The following PDE4C variants were observed in gnomAD, a reference collection of about 807,000 sequenced individuals.
PDE4C encodes the protein phosphodiesterase 4C, also known as 3',5'-cyclic-AMP phosphodiesterase 4C.
PDE4C carries 50 observed loss-of-function variants against 63.9 expected under a neutral mutation model. The observed-to-expected ratio is 0.78, with a 90% confidence interval of 0.62 to 0.99. PDE4C has a LOEUF of 0.99. PDE4C is among the 50% of genes least tolerant of loss of function. PDE4C has a pLI of 0.00. For synonymous variants in PDE4C, 377 were observed against 385.1 expected (o/e 0.98, Z 0.25); for missense variants, 777 against 899.1 (o/e 0.86, Z 1.74).
chr19:18,222,332 A>G lies in PDE4C; in HGVS notation c.147-9T>C. The G allele has an allele frequency of 3.7e-6, 6 of 1,604,878 alleles. No homozygotes were observed. Among genetic ancestry groups the G allele is most frequent in the Non-Finnish European group, 5.1e-6 (6 of 1,175,032 alleles). On this transcript the variant is annotated splice_polypyrimidine_tract_variant and intron_variant, in intron 1 of 14. Coordinates refer to ENST00000262805, the Ensembl canonical transcript of PDE4C. The stretch of plus-strand genomic sequence containing the variant: ...CATTTTCCAGGTCAAAGCTGAAAGG[A>G]GAGACGGCATGGTCAGAGACGAGGG...
chr19:18,221,055 C>CCCCCCCCCCCCCCCCCCCCCCAGG, intron 4 of PDE4C, 50 bp downstream of exon 4: 1 of 763,412 alleles, frequency 1.3e-6, no homozygotes, highest in Non-Finnish European at 1.8e-6. Flanking sequence ...GCTTTCCGCC[C>CCCCCCCCCCCCCCCCCCCCCCAGG]ACCTTGTCTC....
chr19:18,248,605 A>T (rs1426944755), upstream of PDE4C, among the ~76,000 whole-genome samples: 1 of 150,944 alleles, frequency 6.6e-6, no homozygotes, highest in Admixed American at 6.6e-5. Flanking sequence ...GAAGGGGGGG[A>T]TTTTATCAAC....
At chr19:18,228,189 C>G (rs1485236706), upstream of PDE4C, among the ~76,000 whole-genome samples, 1 of 152,060 alleles carries the variant, frequency 6.6e-6, no homozygotes, top group African/African-American at 2.4e-5. Flanking sequence ...CTCCCCGCCA[C>G]TGTGAGAGAA....
chr19:18,235,450 C>T (rs1968934771), upstream of PDE4C, among the ~76,000 whole-genome samples: 1 of 152,142 alleles, frequency 6.6e-6, no homozygotes, highest in Admixed American at 6.6e-5. Flanking sequence ...GGATTACAGG[C>T]GTGAGCCACC....
chr19:18,233,357 CA>C, exon 1 of PDE4C: 1 of 906,570 alleles, frequency 1.1e-6, no homozygotes, highest in Non-Finnish European at 1.7e-6. Flanking sequence ...AACTGGGGCT[CA>C]AGGTGGGGCC....
chr19:18,253,872 TGACTGG>T, the PDE4C span, among the ~76,000 whole-genome samples: 2 of 152,118 alleles, frequency 1.3e-5, no homozygotes, highest in Non-Finnish European at 2.9e-5. Context: ...CAGTTCCAGG[TGACTGG>T]GCCTCTTAGG....
chr19:18,242,252 G>T (rs1461594083), intron 1 of PDE4C, among the ~76,000 whole-genome samples: 1 of 151,996 alleles, frequency 6.6e-6, no homozygotes, highest in African/African-American at 2.4e-5. Context: ...GAGGCAGGCA[G>T]ATCACCTGAG....
chr19:18,235,390 C>T (rs1011995866), upstream of PDE4C, among the ~76,000 whole-genome samples: 1 of 152,134 alleles, frequency 6.6e-6, no homozygotes, highest in Non-Finnish European at 1.5e-5. Flanking sequence ...AGGCTGGACT[C>T]GATCTCCTGA....
intron 1 of PDE4C, among the ~76,000 whole-genome samples, chr19:18,239,800 C>A (rs780842355): frequency 6.6e-6 from 1 of 151,566 alleles, no homozygotes. Context: ...CTGAGGCAGG[C>A]GGATCGCTTA....
intron 1 of PDE4C, among the ~76,000 whole-genome samples, chr19:18,240,898 C>T (rs892698102): frequency 5.9e-5 from 9 of 152,058 alleles, no homozygotes; most frequent in Admixed American, 1.3e-4. Flanking sequence ...AGTGGAGGGC[C>T]CTCTGACTCG....
chr19:18,220,938 C>T lies in PDE4C; in HGVS notation c.450-15G>A, dbSNP rs117753481. The stretch of plus-strand genomic sequence containing the variant: ...CGGGTCCCTGCCTGCGGTACAGCAG[C>T]CTCAGGCGTGGCTGCTCCGCCCATC... On this transcript the variant is annotated splice_polypyrimidine_tract_variant and intron_variant, in intron 4 of 14. Transcript: ENST00000262805. The surrounding 1 kb of genome is among the most constrained non-coding windows in gnomAD (Gnocchi z 5.1). The T allele has an allele frequency of 7.0e-4, 1,114 of 1,598,292 alleles. 22 individuals carry two copies. The East Asian group carries it at 0.021, about 30-fold the overall frequency.
At chr19:18,226,287 C>G (rs574575804) in exon 1 of PDE4C, 3 of 1,566,412 alleles carry the variant, frequency 1.9e-6, no homozygotes, top group South Asian at 2.3e-5. Context: ...GATGGGCCAC[C>G]GTGAAGCGCC....
At chr19:18,218,664 T>C (rs753269621) in intron 9 of PDE4C, among the ~76,000 whole-genome samples, 166 bp from the exon 10 acceptor site, 25 of 152,232 alleles carry the variant, frequency 1.6e-4, no homozygotes, top group Non-Finnish European at 3.2e-4. Flanking sequence ...TGGTGGTCCA[T>C]CCCTGACCCT....
upstream of PDE4C, among the ~76,000 whole-genome samples, chr19:18,235,395 T>C (rs1031384706): frequency 6.6e-6 from 1 of 152,182 alleles, no homozygotes; most frequent in African/African-American, 2.4e-5. Context: ...GGACTCGATC[T>C]CCTGACCTCA....
At chr19:18,251,706 G>GCCCCCGCCCCCGCCC (rs1434244232), upstream of PDE4C, among the ~76,000 whole-genome samples, 4 of 35,456 alleles carry the variant, frequency 1.1e-4, no homozygotes, top group Non-Finnish European at 1.2e-4. Context: ...CCCGCCCTCG[G>GCCCCCGCCCCCGCCC]CCTCCCAAAG....
downstream of PDE4C, chr19:18,208,139 C>T (rs1260874241): frequency 6.6e-6 from 1 of 152,056 alleles, no homozygotes; most frequent in Non-Finnish European, 1.5e-5. Context: ...GTTCGTGAAC[C>T]CGGATGACTT....
chr19:18,226,549 G>A, upstream of PDE4C: 1 of 514,714 alleles, frequency 1.9e-6, no homozygotes, highest in South Asian at 5.1e-5. Context: ...GCTCCCTGAC[G>A]ACCCCCGGGA....
At chr19:18,238,284 G>A (rs1055958947), upstream of PDE4C, among the ~76,000 whole-genome samples, 21 of 148,924 alleles carry the variant, frequency 1.4e-4, no homozygotes, top group African/African-American at 4.9e-4. Flanking sequence ...CAACCACATC[G>A]GAGTGCAGTG....
At chr19:18,208,209 TATA>T (rs1967765808), downstream of PDE4C, 2 of 152,230 alleles carry the variant, frequency 1.3e-5, no homozygotes, top group Non-Finnish European at 2.9e-5. Flanking sequence ...TCTGAGTGGT[TATA>T]ATATTTATGA....
Sources: gnomAD v4.1 joint callset for allele counts (sites outside exome capture counted in the v4.1 genomes callset) on GRCh38, gnomAD v4.1.1 for gene constraint, Gnocchi (gnomAD v3.1) non-coding constraint, MANE v1.5 for transcripts, NCBI Gene and HGNC (gene_info 2026-07-23, HGNC 2026-07-21) for gene names.